The following UBE2D3 variants were observed in gnomAD, a reference collection of about 807,000 sequenced individuals.
UBE2D3 encodes the protein ubiquitin conjugating enzyme E2 D3.
Under a neutral mutation model 22.8 loss-of-function variants are expected in UBE2D3, and 2 were observed. The observed-to-expected ratio is 0.09, with a 90% confidence interval of 0.04 to 0.28. The LOEUF (loss-of-function observed/expected upper bound fraction) is 0.28, where lower values mean the gene tolerates loss of function less well. Among genes scored for constraint, UBE2D3 ranks in the 10% least tolerant of loss-of-function variants. The pLI is 1.00. For synonymous variants in UBE2D3, 56 were observed against 60.4 expected, an observed-to-expected ratio of 0.93 and a Z score of 0.34; for missense variants, 27 against 182.5, an observed-to-expected ratio of 0.15 and a Z score of 4.91.
At chr4:102,809,910 CAAAT>C (rs3216718) in intron 2 of UBE2D3, 55 bp from the exon 3 acceptor site, 782,993 of 1,565,024 alleles carry the variant, frequency 0.5, 197,668 homozygotes, top group African/African-American at 0.68. Flanking sequence ...AGAAAACAAG[CAAAT>C]GAGTCCACTG....
chr4:102,826,989 G>T (rs937929024), intron 1 of UBE2D3: 6 of 997,606 alleles, frequency 6.0e-6, no homozygotes, highest in Non-Finnish European at 7.2e-6. Context: ...AGGCAAGGGG[G>T]GAGGGGGAAG....
chr4:102,826,270 CT>C (rs199965635), intron 2 of UBE2D3, among the ~76,000 whole-genome samples: 3,887 of 152,276 alleles, frequency 0.026, 82 homozygotes, highest in Non-Finnish European at 0.034. Flanking sequence ...CACTGAAGCA[CT>C]CAGGATAACA....
At chr4:102,847,225 C>G (rs1392312007) in intron 1 of UBE2D3, among the ~76,000 whole-genome samples, 2 of 152,196 alleles carry the variant, frequency 1.3e-5, no homozygotes, top group Admixed American at 6.5e-5. Flanking sequence ...CCAGTGATTA[C>G]AGAAGATAAT....
chr4:102,845,464 C>T (rs181158970), intron 1 of UBE2D3, among the ~76,000 whole-genome samples: 1 of 152,250 alleles, frequency 6.6e-6, no homozygotes, highest in Non-Finnish European at 1.5e-5. Flanking sequence ...AGTTTGAGAA[C>T]CCCACTGGAT....
intron 1 of UBE2D3, chr4:102,826,970 G>A: frequency 1.0e-6 from 1 of 999,108 alleles, no homozygotes; most frequent in South Asian, 4.4e-5. Context: ...GCGTCACTAG[G>A]GCAAAGAAAG....
chr4:102,856,531 A>G (rs969190754), intron 1 of UBE2D3, among the ~76,000 whole-genome samples: 2 of 152,116 alleles, frequency 1.3e-5, no homozygotes, highest in Admixed American at 1.3e-4. Context: ...GCTTTGAAAA[A>G]ACCTTTTTAT....
At chr4:102,802,142 C>T (rs1726248294) in intron 5 of UBE2D3, 2 of 155,944 alleles carry the variant, frequency 1.3e-5, no homozygotes, top group Non-Finnish European at 2.8e-5. Context: ...ACCTATAAAC[C>T]AGTGCACTAA....
rs1240839059 is a variant in UBE2D3 at position 102,837,318 on chromosome 4, TTAAA to T, written c.-128-10686_-128-10683del. On this transcript the variant is annotated intron_variant, in intron 1 of 7. Coordinates refer to the UBE2D3 transcript ENST00000338145. ...AAACTGACAATTATATTAAAATCTG[TTAAA>T]TAAAGCTCAATAATAAATACTCAAA... 5.3e-5 allele frequency among the ~76,000 whole-genome samples: 8 copies of T among 152,184 alleles called. No individual in the cohort carries two copies. In the South Asian group the frequency reaches 6.2e-4, roughly 12 times the overall value.
intron 2 of UBE2D3, among the ~76,000 whole-genome samples, chr4:102,816,539 C>T (rs941692394): frequency 1.3e-5 from 2 of 152,042 alleles, no homozygotes; most frequent in African/African-American, 2.4e-5. Context: ...CTAATAAATC[C>T]CTTATTTAAT....
chr4:102,866,250 C>T (rs1402701667), intron 1 of UBE2D3, among the ~76,000 whole-genome samples: 1 of 152,124 alleles, frequency 6.6e-6, no homozygotes, highest in African/African-American at 2.4e-5. Context: ...ATTTCAAGGC[C>T]TCCCAAAAAA....
chr4:102,853,882 T>A (rs1732505420), intron 1 of UBE2D3, among the ~76,000 whole-genome samples: 2 of 152,202 alleles, frequency 1.3e-5, no homozygotes, highest in African/African-American at 4.8e-5. Flanking sequence ...ATAAAAGGGA[T>A]AAGATCCACT....
At chr4:102,850,137 A>C (rs1326082677) in intron 1 of UBE2D3, among the ~76,000 whole-genome samples, 1 of 152,202 alleles carries the variant, frequency 6.6e-6, no homozygotes, top group Non-Finnish European at 1.5e-5. Context: ...CATTTTCAGA[A>C]ATATAATGGT....
intron 1 of UBE2D3, among the ~76,000 whole-genome samples, chr4:102,839,760 C>T (rs1731635720): frequency 6.6e-6 from 1 of 152,090 alleles, no homozygotes; most frequent in Admixed American, 6.6e-5. Context: ...TGGCTAAGAC[C>T]TCAAAAGCAC....
At chr4:102,850,933 G>A (rs994299462) in intron 1 of UBE2D3, among the ~76,000 whole-genome samples, 1 of 151,584 alleles carries the variant, frequency 6.6e-6, no homozygotes, top group South Asian at 2.1e-4. Flanking sequence ...ACTTTGTTGG[G>A]GGCGGGTGAG....
At chr4:102,799,656 A>G (rs191431797) in intron 6 of UBE2D3, among the ~76,000 whole-genome samples, 156 bp from the exon 7 acceptor site, 1 of 152,134 alleles carries the variant, frequency 6.6e-6, no homozygotes, top group African/African-American at 2.4e-5. Flanking sequence ...TTTGTTTCAC[A>G]GAAGACAAGC....
chr4:102,853,833 C>T (rs1732501959), intron 1 of UBE2D3, among the ~76,000 whole-genome samples: 2 of 152,056 alleles, frequency 1.3e-5, no homozygotes, highest in Non-Finnish European at 1.5e-5. Flanking sequence ...TTCAATTTCG[C>T]CTACTGTGAG....
chr4:102,849,867 T>C (rs1235877327), intron 1 of UBE2D3, among the ~76,000 whole-genome samples: 2 of 152,118 alleles, frequency 1.3e-5, no homozygotes, highest in Non-Finnish European at 2.9e-5. Flanking sequence ...GGGTAAAGTT[T>C]CCATAAACTT....
chr4:102,826,062 C>T (rs143057714), intron 2 of UBE2D3, among the ~76,000 whole-genome samples: 42 of 152,218 alleles, frequency 2.8e-4, no homozygotes, highest in Non-Finnish European at 5.3e-4. Context: ...TTCTTTCTTA[C>T]CCCTAGAAGG....
At chr4:102,835,290 C>T (rs1560881880) in intron 1 of UBE2D3, among the ~76,000 whole-genome samples, 1 of 152,130 alleles carries the variant, frequency 6.6e-6, no homozygotes, top group Non-Finnish European at 1.5e-5. Flanking sequence ...AGTATATTTA[C>T]AGTGTTTACA....
Sources: allele counts gnomAD v4.1 joint callset (sites outside exome capture counted in the v4.1 genomes callset), GRCh38; gene constraint gnomAD v4.1.1; transcripts MANE v1.5; gene names NCBI Gene and HGNC (gene_info 2026-07-23, HGNC 2026-07-21).